DNER: variants seen among roughly 807,000 people sequenced by gnomAD.
DNER encodes delta and Notch-like epidermal growth factor-related receptor.
DNER carries 33 observed loss-of-function variants against 78.2 expected under a neutral mutation model. The observed-to-expected ratio is 0.42, with a 90% CI of 0.32 to 0.56. DNER has a LOEUF of 0.56. Among genes scored for constraint, DNER ranks in the 20% least tolerant of loss-of-function variants. The pLI is 0.11. For missense variants in DNER, 918 were observed against 975.3 expected (o/e 0.94, Z 0.78); for synonymous variants, 417 against 384.8 (o/e 1.08, Z -0.98).
At chr2:229,372,183 A>G (rs576264521) in intron 11 of DNER, among the ~76,000 whole-genome samples, 86 of 152,340 alleles carry the variant, frequency 5.6e-4, no homozygotes, top group African/African-American at 1.9e-3. Context: ...AAATAGAGAG[A>G]AAAGTAGGCT....
intron 1 of DNER, among the ~76,000 whole-genome samples, chr2:229,623,763 G>C (rs1698290762): frequency 6.6e-6 from 1 of 152,188 alleles, no homozygotes; most frequent in South Asian, 2.1e-4. Context: ...ATGGATATCT[G>C]GTCCCACTGC....
intron 1 of DNER, among the ~76,000 whole-genome samples, chr2:229,690,760 T>C (rs546406353): frequency 1.3e-5 from 2 of 152,136 alleles, no homozygotes; most frequent in African/African-American, 4.8e-5. Context: ...AAAAAGTAAG[T>C]TACAAAGGAG....
intron 5 of DNER, among the ~76,000 whole-genome samples, chr2:229,525,536 A>T (rs1423139032): frequency 6.6e-6 from 1 of 152,214 alleles, no homozygotes; most frequent in East Asian, 1.9e-4. Context: ...CTAAAAAAAA[A>T]GTTCTTCAGT....
intron 1 of DNER, among the ~76,000 whole-genome samples, chr2:229,702,869 A>ATC: frequency 7.2e-6 from 1 of 139,136 alleles, no homozygotes; most frequent in South Asian, 2.3e-4. Flanking sequence ...GTGAGCTGAG[A>ATC]CCGTGCCACT....
intron 1 of DNER, among the ~76,000 whole-genome samples, chr2:229,676,122 T>G (rs1383969539): frequency 6.6e-6 from 1 of 152,046 alleles, no homozygotes; most frequent in Non-Finnish European, 1.5e-5. Context: ...TCTATATTGG[T>G]GGGGTAGAAG....
At chr2:229,379,541 T>C (rs886577475) in intron 11 of DNER, among the ~76,000 whole-genome samples, 4 of 152,232 alleles carry the variant, frequency 2.6e-5, no homozygotes, top group Non-Finnish European at 5.9e-5. Flanking sequence ...CACTTCAAAA[T>C]TTCTTGATGA....
intron 5 of DNER, among the ~76,000 whole-genome samples, chr2:229,523,380 G>A (rs1696139444): frequency 6.6e-6 from 1 of 152,214 alleles, no homozygotes; most frequent in Non-Finnish European, 1.5e-5. Context: ...TACACAGCCT[G>A]AGACGACAGT....
chr2:229,701,073 A>G (rs183520934), intron 1 of DNER, among the ~76,000 whole-genome samples: 5 of 152,356 alleles, frequency 3.3e-5, no homozygotes, highest in African/African-American at 1.2e-4. Context: ...TACACAGCAA[A>G]ATGGAAACAG....
At chr2:229,435,908 A>G (rs1406407659) in intron 8 of DNER, among the ~76,000 whole-genome samples, 2 of 152,226 alleles carry the variant, frequency 1.3e-5, no homozygotes, top group Non-Finnish European at 2.9e-5. Context: ...ACTGTTTGGT[A>G]AAAGATAAAC....
chr2:229,380,400 G>A (rs1692710026), intron 11 of DNER, among the ~76,000 whole-genome samples: 1 of 152,106 alleles, frequency 6.6e-6, no homozygotes, highest in African/African-American at 2.4e-5. Flanking sequence ...AATTCACACA[G>A]AAGACAAGTT....
chr2:229,444,136 C>T (rs1694291099), intron 8 of DNER, among the ~76,000 whole-genome samples: 1 of 152,154 alleles, frequency 6.6e-6, no homozygotes. Context: ...TCAAGTCAAA[C>T]GCTCCAAGTG....
intron 1 of DNER, among the ~76,000 whole-genome samples, chr2:229,625,894 TG>T (rs1698331560): frequency 4.2e-5 from 1 of 24,044 alleles, no homozygotes; most frequent in South Asian, 5.2e-3. Flanking sequence ...TTGTTTTTGT[TG>T]TTTTTGTTGT....
rs1290909411 is a variant in DNER at position 229,575,576 on chromosome 2, T to C, written c.847+10282A>G. Among the ~76,000 whole-genome samples, 3 of 152,170 alleles carry C rather than the reference T, an allele frequency of 2.0e-5. No individual in the cohort carries two copies. The East Asian group carries it at 5.8e-4, about 29-fold the overall frequency. Reference sequence around the variant, plus strand: ...CAGGGATCTTCCTTTCTAACCAACCTGATTTCAGGGACAGTCTTGGTAGGA... The same window carrying C: ...CAGGGATCTTCCTTTCTAACCAACCCGATTTCAGGGACAGTCTTGGTAGGA... On this transcript the variant is annotated intron_variant, in intron 4 of 12. Coordinates refer to ENST00000341772, the MANE Select transcript of DNER (RefSeq NM_139072.4).
chr2:229,657,524 A>G (rs1236257957), intron 1 of DNER, among the ~76,000 whole-genome samples: 4 of 152,202 alleles, frequency 2.6e-5, no homozygotes, highest in African/African-American at 9.7e-5. Context: ...TCAACACTAC[A>G]TGACATAAGT....
intron 7 of DNER, among the ~76,000 whole-genome samples, chr2:229,467,744 T>C (rs1216512577): frequency 6.6e-6 from 1 of 152,210 alleles, no homozygotes; most frequent in Admixed American, 6.5e-5. Context: ...TCAAGAACCA[T>C]GATATAATAT....
At chr2:229,518,503 A>C (rs766459929) in intron 5 of DNER, among the ~76,000 whole-genome samples, 2 of 152,374 alleles carry the variant, frequency 1.3e-5, no homozygotes, top group Admixed American at 6.5e-5. Context: ...AGAGAGTGAC[A>C]GTGGGGTGTA....
In DNER at chr2:229,588,627, T is replaced by C. The variant is rs932367134; in HGVS notation, c.586-139A>G. 4 of 665,852 alleles carry C rather than the reference T, an allele frequency of 6.0e-6. No individual in the cohort carries two copies. In the African/African-American group the frequency reaches 7.3e-5, roughly 12 times the overall value. The allele number at this position is 665,852 out of a possible 1,614,324, so 41.2% of individuals were successfully genotyped here. A position where few individuals can be genotyped will look rare whatever the true frequency, so the allele number is the denominator to read the frequency against. On this transcript the variant is annotated intron_variant, in intron 2 of 12. Coordinates refer to ENST00000341772, the MANE Select transcript of DNER (RefSeq NM_139072.4). ...TAGGGCTAGAGAGGAGATGAAGAAG[T>C]GAAGCCTTACAAACTCAAAAGAAAA...
At chr2:229,657,364 A>G (rs1698930136) in intron 1 of DNER, among the ~76,000 whole-genome samples, 1 of 152,212 alleles carries the variant, frequency 6.6e-6, no homozygotes, top group African/African-American at 2.4e-5. Flanking sequence ...TATAGATACC[A>G]CATTTTCTTT....
chr2:229,472,900 G>T (rs1261673641), intron 7 of DNER, among the ~76,000 whole-genome samples: 1 of 152,214 alleles, frequency 6.6e-6, no homozygotes, highest in Non-Finnish European at 1.5e-5. Flanking sequence ...AAATCTCAGT[G>T]TAGAAGGGCA....
Sources: allele counts gnomAD v4.1 joint callset (sites outside exome capture counted in the v4.1 genomes callset), GRCh38; gene constraint gnomAD v4.1.1; transcripts MANE v1.5; gene names NCBI Gene and HGNC (gene_info 2026-07-23, HGNC 2026-07-21).